GAPVD1: variants seen among roughly 807,000 people sequenced by gnomAD.
The protein encoded by GAPVD1 is GTPase-activating protein and VPS9 domain-containing protein 1.
Under a neutral mutation model 155.5 loss-of-function variants are expected in GAPVD1, and 35 were observed. The observed-to-expected ratio is 0.23, with a 90% CI of 0.17 to 0.30. The LOEUF is 0.30. Ranked by LOEUF, GAPVD1 falls within the 10% of genes least tolerant of loss-of-function variation. GAPVD1 has a pLI of 1.00. For synonymous variants in GAPVD1, 636 were observed against 619.7 expected, an observed-to-expected ratio of 1.03 and a Z score of -0.39; for missense variants, 1,429 against 1,775.7, an observed-to-expected ratio of 0.80 and a Z score of 3.51.
intron 5 of GAPVD1, 151 bp from the exon 6 acceptor site, chr9:125,304,912 G>T: frequency 2.2e-6 from 1 of 458,378 alleles, no homozygotes; most frequent in Non-Finnish European, 4.0e-6. Flanking sequence ...ACATTTTTTG[G>T]GGGATACTAT....
intron 9 of GAPVD1, among the ~76,000 whole-genome samples, chr9:125,320,694 C>T (rs973427888): frequency 2.6e-5 from 4 of 151,918 alleles, no homozygotes; most frequent in Admixed American, 6.6e-5. Flanking sequence ...GGCGCGATCT[C>T]GGCTCACTGC....
At chr9:125,318,585 C>A (rs771737012) in intron 9 of GAPVD1, among the ~76,000 whole-genome samples, 3 of 152,162 alleles carry the variant, frequency 2.0e-5, no homozygotes, top group Non-Finnish European at 4.4e-5. Flanking sequence ...AGTTTCACAT[C>A]ACTCACTATG....
chr9:125,323,997 A>T (rs116983971), intron 11 of GAPVD1, 74 bp downstream of exon 11: 10 of 1,369,740 alleles, frequency 7.3e-6, no homozygotes, highest in South Asian at 1.3e-5. Context: ...GTGTGTTTTC[A>T]TTAAGTTGGC....
intron 22 of GAPVD1, 124 bp downstream of exon 22, chr9:125,350,528 T>C: frequency 1.4e-6 from 1 of 737,588 alleles, no homozygotes; most frequent in Non-Finnish European, 2.3e-6. Flanking sequence ...ATGTTTACAT[T>C]AGTATCACTT....
intron 27 of GAPVD1, among the ~76,000 whole-genome samples, chr9:125,361,410 G>A (rs1850895775): frequency 6.6e-6 from 1 of 151,954 alleles, no homozygotes; most frequent in South Asian, 2.1e-4. Flanking sequence ...TGTAATCGCA[G>A]CTACTTGGAA....
intron 9 of GAPVD1, among the ~76,000 whole-genome samples, chr9:125,315,509 T>C (rs555137500): frequency 4.2e-4 from 64 of 152,264 alleles, no homozygotes; most frequent in African/African-American, 1.4e-3. Flanking sequence ...GACCTTATTC[T>C]GAAAGCAGCA....
intron 12 of GAPVD1, among the ~76,000 whole-genome samples, chr9:125,328,993 C>T (rs1409721543): frequency 5.9e-5 from 9 of 151,928 alleles, no homozygotes; most frequent in Admixed American, 4.6e-4. Flanking sequence ...CGTGGCGGCG[C>T]GTGCCTGCAG....
chr9:125,332,679 G>T (rs376601741), intron 15 of GAPVD1, 50 bp downstream of exon 15: 12 of 1,532,282 alleles, frequency 7.8e-6, no homozygotes, highest in Non-Finnish European at 9.9e-6. Flanking sequence ...ATCCGTGGTT[G>T]AAACTGGCAC....
At chr9:125,349,245 G>A in intron 20 of GAPVD1, 145 bp from the exon 21 acceptor site, 1 of 637,790 alleles carries the variant, frequency 1.6e-6, no homozygotes, top group Non-Finnish European at 2.7e-6. Context: ...AGTATTTGAA[G>A]TTTGTTTTTT....
rs914584796 is a variant in GAPVD1 at position 125,365,933 on chromosome 9, C to T, written c.*3187C>T. On this transcript the variant is annotated 3_prime_UTR_variant, in exon 28 of 28. Coordinates refer to ENST00000297933, the MANE Select transcript of GAPVD1 (RefSeq NM_001282680.3). ...GGATTATAGGCGTGAGCCACCGTGC[C>T]CAACCACAAAATTATATGTATATAT... The T allele has an allele frequency of 6.6e-6, 1 of 152,226 alleles. No individual in the cohort carries two copies. Among genetic ancestry groups the T allele is most frequent in the African/African-American group, 2.4e-5 (1 of 41,454 alleles). The allele number at this position is 152,226 out of a possible 1,614,324, so 9.4% of individuals were successfully genotyped here.
At chr9:125,281,297 A>G (rs921622898) in intron 2 of GAPVD1, among the ~76,000 whole-genome samples, 2 of 152,126 alleles carry the variant, frequency 1.3e-5, no homozygotes, top group African/African-American at 4.8e-5. Context: ...TATTTGTTTA[A>G]TTTAAAAGGT....
chr9:125,322,690 T>TG (rs34094730), intron 10 of GAPVD1, among the ~76,000 whole-genome samples: 91,241 of 151,900 alleles, frequency 0.6, 29,525 homozygotes, highest in African/African-American at 0.87. Context: ...TAACCTCACA[T>TG]GGCATATCAT....
Position 125,298,949 on chromosome 9 carries a change from G to T in GAPVD1, c.28G>T (p.Ala10Ser). The T allele has an allele frequency of 6.2e-7, 1 of 1,608,978 alleles. No homozygotes were observed. Among genetic ancestry groups the T allele is most frequent in the Non-Finnish European group, 8.5e-7 (1 of 1,177,910 alleles). Residue 10 changes from alanine (A) to serine (S), a missense_variant, in exon 4 of 28, where the codon GCT (alanine) becomes TCT (serine). Ala to Ser is a moderately conservative substitution (Grantham distance 99, BLOSUM62 1). This residue lies in a region of GAPVD1 where 628 missense variants were observed against 733.4 expected (regional missense o/e 0.86). Coordinates refer to ENST00000297933, the MANE Select transcript of GAPVD1 (RefSeq NM_001282680.3). MVKLDIHTL[A>S]HHLKQERLYV... ...GGTGAAACTAGATATTCATACTCTG[G>T]CTCATCACCTCAAGCAGGAACGCTT...
rs755395984 is a variant in GAPVD1 at position 125,302,120 on chromosome 9, G to A, written c.323G>A (p.Arg108His). 12 of 1,613,912 alleles carry A rather than the reference G, an allele frequency of 7.4e-6. No homozygotes were observed. Among genetic ancestry groups the A allele is most frequent in the Admixed American group, 3.3e-5 (2 of 59,982 alleles). ...TTGAGTCGATTGAGGGAAAATCCTC[G>A]TCTTATTGCCTCCTCTTTGGTTGCT... Reference protein sequence around the residue: ...EFLSRLRENPRLIASSLVAGE... With the variant: ...EFLSRLRENPHLIASSLVAGE... The change falls in exon 5 of 28, where the codon CGT becomes CAT. Residue 108 changes from arginine to histidine, a missense_variant. By Grantham distance (29) the Arg-to-His change is conservative. This residue lies in a region of GAPVD1 where 628 missense variants were observed against 733.4 expected (regional missense o/e 0.86). Coordinates refer to ENST00000297933, the MANE Select transcript of GAPVD1 (RefSeq NM_001282680.3).
chr9:125,295,093 C>T (rs1402969787), intron 2 of GAPVD1, among the ~76,000 whole-genome samples: 1 of 151,316 alleles, frequency 6.6e-6, no homozygotes, highest in Non-Finnish European at 1.5e-5. Context: ...TGAGAGTACA[C>T]CTGTCACAGG....
chr9:125,271,757 G>A (rs1834957634), intron 2 of GAPVD1, among the ~76,000 whole-genome samples: 1 of 152,056 alleles, frequency 6.6e-6, no homozygotes, highest in African/African-American at 2.4e-5. Flanking sequence ...CACCGTGTTA[G>A]CCGTGCTAGT....
chr9:125,288,079 A>C (rs1226282175), intron 2 of GAPVD1, among the ~76,000 whole-genome samples: 1 of 150,110 alleles, frequency 6.7e-6, no homozygotes, highest in Non-Finnish European at 1.5e-5. Context: ...TGTTGTTTTT[A>C]ATGTTTTTGG....
At chr9:125,272,033 T>C (rs1195246747) in intron 2 of GAPVD1, among the ~76,000 whole-genome samples, 1 of 151,556 alleles carries the variant, frequency 6.6e-6, no homozygotes, top group Non-Finnish European at 1.5e-5. Context: ...ACATTAATTC[T>C]TTTTTTTTGA....
At chr9:125,299,281 CTT>C (rs764452046) in intron 4 of GAPVD1, among the ~76,000 whole-genome samples, 175 bp downstream of exon 4, 1 of 152,178 alleles carries the variant, frequency 6.6e-6, no homozygotes, top group Non-Finnish European at 1.5e-5. Flanking sequence ...TATTAAGTAA[CTT>C]AGGCACTTTT....
Sources: allele counts gnomAD v4.1 joint callset (sites outside exome capture counted in the v4.1 genomes callset), GRCh38; gene constraint gnomAD v4.1.1; regional missense constraint gnomAD v4.1.1; transcripts MANE v1.5; gene names NCBI Gene and HGNC (gene_info 2026-07-23, HGNC 2026-07-21).